AGBL4: variants seen among roughly 807,000 people sequenced by gnomAD.
The protein encoded by AGBL4 is AGBL carboxypeptidase 4.
In AGBL4, 58 loss-of-function variants were observed where a neutral mutation model predicts 66.4. That is an observed-to-expected ratio of 0.87 (90% confidence interval 0.71 to 1.09). The LOEUF is 1.09. Ranked by LOEUF, AGBL4 falls within the 50% of genes least tolerant of loss-of-function variation. AGBL4 has a pLI of 0.00. For missense variants in AGBL4, 579 were observed against 631.0 expected (o/e 0.92, Z 0.88); for synonymous variants, 234 against 222.9 (o/e 1.05, Z -0.44).
chr1:48,551,410 G>C (rs1255090033), intron 11 of AGBL4, among the ~76,000 whole-genome samples: 1 of 152,132 alleles, frequency 6.6e-6, no homozygotes, highest in Non-Finnish European at 1.5e-5. Context: ...GTACAATGCT[G>C]GTATGCAGTA....
In AGBL4 at chr1:49,021,964, C is replaced by T. The variant is rs191682258; in HGVS notation, c.594+23620G>A. On this transcript the variant is annotated intron_variant, in intron 5 of 13. Coordinates refer to ENST00000371839, the MANE Select transcript of AGBL4 (RefSeq NM_032785.4). ...AGACTCCCAGCCATCTGTTTTTCCT[C>T]CATCCCTGTGAAATGGCAGCCTGGA... 8.5e-5 allele frequency among the ~76,000 whole-genome samples: 13 copies of T among 152,214 alleles called. No homozygotes were observed. In the East Asian group the frequency reaches 2.3e-3, roughly 27 times the overall value.
chr1:49,773,731 G>A (rs1007961290), intron 2 of AGBL4, among the ~76,000 whole-genome samples: 1 of 152,212 alleles, frequency 6.6e-6, no homozygotes, highest in African/African-American at 2.4e-5. Context: ...GGGTGATCAT[G>A]AGCAGATCAG....
chr1:49,969,644 T>C (rs1657884429), intron 1 of AGBL4, among the ~76,000 whole-genome samples: 1 of 152,228 alleles, frequency 6.6e-6, no homozygotes, highest in Non-Finnish European at 1.5e-5. Context: ...TTACTTAGCA[T>C]AATGTCCTTC....
intron 4 of AGBL4, among the ~76,000 whole-genome samples, chr1:49,116,418 T>C (rs1645523741): frequency 6.6e-6 from 1 of 152,180 alleles, no homozygotes; most frequent in Non-Finnish European, 1.5e-5. Flanking sequence ...CCCCATCCTG[T>C]GTCCAAGTAT....
At chr1:49,470,300 T>C (rs937240952) in intron 3 of AGBL4, among the ~76,000 whole-genome samples, 4 of 151,942 alleles carry the variant, frequency 2.6e-5, no homozygotes, top group African/African-American at 9.7e-5. Flanking sequence ...GCTCCATACA[T>C]TCATCAAAAA....
chr1:48,848,354 G>A (rs1193692675), intron 6 of AGBL4, among the ~76,000 whole-genome samples: 1 of 152,088 alleles, frequency 6.6e-6, no homozygotes, highest in Non-Finnish European at 1.5e-5. Flanking sequence ...TGTTCTTCAG[G>A]TGAAGCCATA....
intron 3 of AGBL4, among the ~76,000 whole-genome samples, chr1:49,382,086 A>G (rs1024393233): frequency 1.3e-5 from 2 of 152,176 alleles, no homozygotes; most frequent in African/African-American, 4.8e-5. Context: ...GCTGATCCAC[A>G]TGAACATTTC....
intron 3 of AGBL4, among the ~76,000 whole-genome samples, chr1:49,467,092 C>T (rs1488886800): frequency 1.3e-5 from 2 of 151,694 alleles, no homozygotes; most frequent in Admixed American, 6.6e-5. Context: ...TAGGAGGTGA[C>T]AGGGAATTGG....
intron 5 of AGBL4, among the ~76,000 whole-genome samples, chr1:48,927,451 T>G (rs1184604748): frequency 6.6e-6 from 1 of 152,134 alleles, no homozygotes. Flanking sequence ...GTCCCTCCCA[T>G]GAAATGTGGG....
At chr1:48,615,403 G>A (rs1009804472) in intron 9 of AGBL4, among the ~76,000 whole-genome samples, 2 of 152,166 alleles carry the variant, frequency 1.3e-5, no homozygotes, top group Admixed American at 6.5e-5. Flanking sequence ...CTCCCCATAG[G>A]AGAGTAGTTG....
intron 3 of AGBL4, among the ~76,000 whole-genome samples, chr1:49,369,337 G>A (rs551463494): frequency 5.3e-5 from 8 of 152,218 alleles, no homozygotes; most frequent in African/African-American, 1.2e-4. Context: ...CAAATCTTAC[G>A]AAGAGGAAAT....
chr1:49,342,452 T>A (rs1645559172), intron 3 of AGBL4, among the ~76,000 whole-genome samples: 1 of 152,140 alleles, frequency 6.6e-6, no homozygotes, highest in African/African-American at 2.4e-5. Context: ...CTGATGAAGT[T>A]TCCCTCTCAT....
intron 3 of AGBL4, among the ~76,000 whole-genome samples, chr1:49,497,313 G>A (rs1647691277): frequency 6.6e-6 from 1 of 151,920 alleles, no homozygotes; most frequent in African/African-American, 2.4e-5. Context: ...CCATTCCATA[G>A]GTTGTCTCTT....
intron 5 of AGBL4, among the ~76,000 whole-genome samples, chr1:48,949,569 G>A (rs1656799258): frequency 1.3e-5 from 2 of 152,210 alleles, no homozygotes; most frequent in Admixed American, 1.3e-4. Flanking sequence ...ATCCATAAGA[G>A]AGGGAGTCAG....
intron 5 of AGBL4, among the ~76,000 whole-genome samples, chr1:49,041,779 CCA>C (rs1643949043): frequency 6.6e-6 from 1 of 152,040 alleles, no homozygotes; most frequent in African/African-American, 2.4e-5. Flanking sequence ...TCAGGGCTTT[CCA>C]GAGTTTTGCC....
chr1:49,980,035 C>A (rs1462263857), intron 1 of AGBL4, among the ~76,000 whole-genome samples: 1 of 151,972 alleles, frequency 6.6e-6, no homozygotes, highest in Non-Finnish European at 1.5e-5. Context: ...TTTCTTTTCT[C>A]TAACTTACGG....
At chr1:49,807,050 A>T (rs184944518) in intron 2 of AGBL4, among the ~76,000 whole-genome samples, 674 of 152,266 alleles carry the variant, frequency 4.4e-3, no homozygotes, top group Middle Eastern at 0.01. Flanking sequence ...AGCCTCCCAG[A>T]GTTCTAGGCA....
At chr1:48,809,691 C>A (rs1445336375) in intron 6 of AGBL4, among the ~76,000 whole-genome samples, 2 of 152,156 alleles carry the variant, frequency 1.3e-5, no homozygotes, top group African/African-American at 4.8e-5. Context: ...TGTTCAATTT[C>A]TCCAGGTCTG....
chr1:49,461,181 C>T (rs1646503486), intron 3 of AGBL4, among the ~76,000 whole-genome samples: 1 of 151,608 alleles, frequency 6.6e-6, no homozygotes, highest in Non-Finnish European at 1.5e-5. Context: ...TGATTATTCC[C>T]TCAAATATAA....
Sources: gnomAD v4.1 joint callset for allele counts (sites outside exome capture counted in the v4.1 genomes callset) on GRCh38, gnomAD v4.1.1 for gene constraint, MANE v1.5 for transcripts, NCBI Gene and HGNC (gene_info 2026-07-23, HGNC 2026-07-21) for gene names.